The following HIVEP3 variants were observed in gnomAD, a reference collection of about 807,000 sequenced individuals.
HIVEP3 encodes HIVEP zinc finger 3.
Under a neutral mutation model 152.8 loss-of-function variants are expected in HIVEP3, and 49 were observed. That is an observed-to-expected ratio of 0.32 (90% CI 0.26 to 0.41). The LOEUF is 0.41. Ranked by LOEUF, HIVEP3 falls within the 10% of genes least tolerant of loss-of-function variation. The pLI, the probability that HIVEP3 is intolerant of heterozygous loss-of-function variation, is 1.00. For synonymous variants in HIVEP3, 1,269 were observed against 1,289.0 expected (o/e 0.98, Z 0.33); for missense variants, 2,790 against 3,103.3 (o/e 0.90, Z 2.40).
intron 1 of HIVEP3, among the ~76,000 whole-genome samples, chr1:41,843,465 C>T (rs544442551): frequency 3.3e-5 from 5 of 152,124 alleles, no homozygotes; most frequent in Non-Finnish European, 7.3e-5. Context: ...CTCCGCAATG[C>T]TTAGGGAACA....
chr1:41,916,890 C>T (rs939485617), intron 1 of HIVEP3, among the ~76,000 whole-genome samples: 1 of 152,068 alleles, frequency 6.6e-6, no homozygotes, highest in African/African-American at 2.4e-5. Flanking sequence ...TCTCCTGGGT[C>T]CAACTGTCTC....
rs558958494 is a variant in HIVEP3, at chr1:41,610,619, A to C, written c.-522+18130T>G. Among the ~76,000 whole-genome samples the C allele has an allele frequency of 1.2e-4, 19 of 152,326 alleles. No homozygotes were observed. The East Asian group carries it at 3.3e-3, about 26-fold the overall frequency. ...TCAGTCACTGGTGGGGCAGTGGCCC[A>C]CAGCCTTCTTCAGCTCTGGTGAGGA... On this transcript the variant is annotated intron_variant, in intron 3 of 8. Coordinates refer to ENST00000372583, the MANE Select transcript of HIVEP3 (RefSeq NM_024503.5).
intron 1 of HIVEP3, among the ~76,000 whole-genome samples, chr1:42,020,190 T>A (rs889515675): frequency 3.3e-5 from 5 of 152,094 alleles, no homozygotes; most frequent in African/African-American, 1.2e-4. Context: ...TGTCAGCTTT[T>A]GATATAATGT....
chr1:41,864,040 T>C (rs1643923451), intron 1 of HIVEP3, among the ~76,000 whole-genome samples: 1 of 152,184 alleles, frequency 6.6e-6, no homozygotes, highest in South Asian at 2.1e-4. Flanking sequence ...TTCCATCCTC[T>C]GCACCAAAAG....
intron 1 of HIVEP3, among the ~76,000 whole-genome samples, chr1:42,009,625 G>A (rs574582074): frequency 2.6e-4 from 39 of 152,254 alleles, no homozygotes; most frequent in African/African-American, 8.9e-4. Flanking sequence ...CTTAGCCAGT[G>A]TGTAACTTCA....
intron 5 of HIVEP3, among the ~76,000 whole-genome samples, chr1:41,530,596 G>A (rs1558034015): frequency 1.3e-5 from 2 of 152,102 alleles, no homozygotes; most frequent in African/African-American, 2.4e-5. Flanking sequence ...CTTGCTTGTC[G>A]GGTCCATGGC....
intron 1 of HIVEP3, among the ~76,000 whole-genome samples, chr1:41,760,274 G>C (rs542689105): frequency 6.6e-6 from 1 of 152,342 alleles, no homozygotes; most frequent in African/African-American, 2.4e-5. Flanking sequence ...CTGGAAAGTG[G>C]TACCAACTTA....
At chr1:41,810,441 C>A (rs1047187997) in intron 1 of HIVEP3, among the ~76,000 whole-genome samples, 1 of 152,194 alleles carries the variant, frequency 6.6e-6, no homozygotes, top group African/African-American at 2.4e-5. Flanking sequence ...AGAGAGAGGG[C>A]AGATAACAAA....
intron 1 of HIVEP3, among the ~76,000 whole-genome samples, chr1:41,760,479 GT>G (rs1429104467): frequency 1.3e-5 from 2 of 152,134 alleles, no homozygotes; most frequent in African/African-American, 4.8e-5. Flanking sequence ...TCCCTCTTCT[GT>G]GCTCCATGCC....
At chr1:41,906,760 T>G (rs887257111) in intron 1 of HIVEP3, among the ~76,000 whole-genome samples, 1 of 152,182 alleles carries the variant, frequency 6.6e-6, no homozygotes, top group African/African-American at 2.4e-5. Flanking sequence ...TGCTATGCTC[T>G]GAAGCTAACG....
rs76550237 is a variant in HIVEP3, at chr1:41,838,114, A to C, written c.-801+80299T>G. On this transcript the variant is annotated intron_variant, in intron 1 of 8. Coordinates refer to ENST00000372583, the MANE Select transcript of HIVEP3 (RefSeq NM_024503.5). ...TTTTTGTTTTTCAGGACTTATATAT[A>C]TATTTTAATTGAACTTGTTGAGATA... Among the ~76,000 whole-genome samples the C allele has an allele frequency of 3.3e-5, 5 of 152,308 alleles. No homozygotes were observed. The East Asian group carries it at 7.7e-4, about 23-fold the overall frequency.
intron 1 of HIVEP3, among the ~76,000 whole-genome samples, chr1:41,834,117 C>T (rs1209248982): frequency 6.6e-6 from 1 of 152,186 alleles, no homozygotes; most frequent in Non-Finnish European, 1.5e-5. Flanking sequence ...TCCCTCTGGG[C>T]CTGGGGCTGG....
At chr1:41,692,427 T>A (rs565277539) in intron 2 of HIVEP3, among the ~76,000 whole-genome samples, 1 of 152,334 alleles carries the variant, frequency 6.6e-6, no homozygotes, top group Admixed American at 6.5e-5. Flanking sequence ...AGAGAGGAGT[T>A]ATAGCGCCAC....
chr1:41,958,207 G>A (rs182349960), intron 1 of HIVEP3, among the ~76,000 whole-genome samples: 32 of 152,346 alleles, frequency 2.1e-4, no homozygotes, highest in African/African-American at 6.5e-4. Context: ...TTTGGGCCAC[G>A]TGACCAGGCA....
chr1:41,765,821 G>T (rs1180138510), intron 1 of HIVEP3, among the ~76,000 whole-genome samples: 1 of 151,992 alleles, frequency 6.6e-6, no homozygotes, highest in African/African-American at 2.4e-5. Flanking sequence ...GTTTTCATGG[G>T]GTCCATATGT....
At chr1:41,555,900 G>A (rs1482925238) in intron 5 of HIVEP3, among the ~76,000 whole-genome samples, 1 of 152,098 alleles carries the variant, frequency 6.6e-6, no homozygotes, top group Non-Finnish European at 1.5e-5. Context: ...CCTTTTTCGT[G>A]ACTGGCTTAG....
At chr1:41,617,902 T>C (rs1179259865) in intron 3 of HIVEP3, among the ~76,000 whole-genome samples, 1 of 152,196 alleles carries the variant, frequency 6.6e-6, no homozygotes, top group Non-Finnish European at 1.5e-5. Context: ...TGTCTTCTTT[T>C]ACAAAAGAGC....
At chr1:41,734,487 G>C (rs1646887511) in intron 1 of HIVEP3, among the ~76,000 whole-genome samples, 1 of 152,206 alleles carries the variant, frequency 6.6e-6, no homozygotes, top group Non-Finnish European at 1.5e-5. Flanking sequence ...CATAGTCAAT[G>C]GCCACTAAGC....
At chr1:41,904,878 C>A (rs1206906125) in intron 1 of HIVEP3, among the ~76,000 whole-genome samples, 1 of 152,228 alleles carries the variant, frequency 6.6e-6, no homozygotes, top group Non-Finnish European at 1.5e-5. Flanking sequence ...GAGCTGCCAT[C>A]CACAAGGGTC....
Sources: gnomAD v4.1 joint callset for allele counts (sites outside exome capture counted in the v4.1 genomes callset) on GRCh38, gnomAD v4.1.1 for gene constraint, MANE v1.5 for transcripts, NCBI Gene and HGNC (gene_info 2026-07-23, HGNC 2026-07-21) for gene names.